Variants in NBAS observed in about 807,000 individuals in gnomAD.
NBAS encodes NBAS subunit of NRZ tethering complex.
Under a neutral mutation model 302.5 loss-of-function variants are expected in NBAS, and 219 were observed. That is an observed-to-expected ratio of 0.72 (90% confidence interval 0.65 to 0.81). The LOEUF (loss-of-function observed/expected upper bound fraction) is 0.81. NBAS is among the 30% of genes least tolerant of loss of function. The pLI, the probability that NBAS is intolerant of heterozygous loss-of-function variation, is 0.00. For missense variants in NBAS, 2,932 were observed against 2,841.6 expected (o/e 1.03, Z -0.72); for synonymous variants, 1,118 against 1,021.6 (o/e 1.09, Z -1.80).
chr2:15,275,745 T>C lies in NBAS; in HGVS notation c.5463A>G (p.Gln1821=). ...LEALEPVLSS[Q]NILSISKLVP... is the part of the protein sequence containing the mutation. The stretch of plus-strand genomic sequence containing the variant: ...CAAGTTTGGAAATAGACAAGATATT[T>C]TGACTTGAAAGAACTGGCTCCAATG... The change falls in exon 44 of 52, where the codon CAA becomes CAG. Residue 1821 remains glutamine (Q), a synonymous_variant. Coordinates refer to ENST00000281513, the MANE Select transcript of NBAS (RefSeq NM_015909.4). 6.2e-7 allele frequency: 1 copy of C among 1,614,196 alleles called. No homozygotes were observed. The highest frequency in any genetic ancestry group is 1.1e-5 in the South Asian group (1 of 91,070).
Position 15,247,010 on chromosome 2 carries a change from G to A in NBAS, c.5725-8324C>T, listed in dbSNP as rs752194434. Among the ~76,000 whole-genome samples, 50 of 152,340 alleles carry A rather than the reference G, an allele frequency of 3.3e-4. 1 individual carries two copies. The highest frequency in any genetic ancestry group is 3.4e-3 in the Middle Eastern group (1 of 294). ...CATGCAAGGTCAGGAAAGGGTTGCT[G>A]AAAGGTGACATCTCCAAGGAGAGTC... On this transcript the variant is annotated intron_variant, in intron 44 of 51. Coordinates refer to ENST00000281513, the MANE Select transcript of NBAS (RefSeq NM_015909.4).
chr2:14,987,491 C>T, the NBAS span, among the ~76,000 whole-genome samples: 1 of 140,344 alleles, frequency 7.1e-6, no homozygotes, highest in Non-Finnish European at 1.6e-5. Flanking sequence ...ATATATATAT[C>T]ATAAAATCAC....
At chr2:15,549,136 C>A (rs1269511963) in intron 6 of NBAS, among the ~76,000 whole-genome samples, 1 of 152,140 alleles carries the variant, frequency 6.6e-6, no homozygotes, top group Non-Finnish European at 1.5e-5. Context: ...TTCATATAAT[C>A]TTTCCACAAC....
chr2:15,383,341 A>C, intron 28 of NBAS, 24 bp from the exon 29 acceptor site: 2 of 1,594,762 alleles, frequency 1.3e-6, no homozygotes, highest in Non-Finnish European at 1.7e-6. Context: ...TAAAAAAGAC[A>C]AGGAAGAGGG....
chr2:15,184,300 G>C (rs1664969489), intron 50 of NBAS, among the ~76,000 whole-genome samples: 1 of 151,906 alleles, frequency 6.6e-6, no homozygotes, highest in African/African-American at 2.4e-5. Context: ...CCCATGGAGG[G>C]GATAGTTTTG....
At chr2:15,417,064 G>C (rs1005885996) in intron 24 of NBAS, among the ~76,000 whole-genome samples, 5 of 152,136 alleles carry the variant, frequency 3.3e-5, no homozygotes, top group Non-Finnish European at 5.9e-5. Flanking sequence ...TAATTTTGGG[G>C]AGAAAGCACA....
chr2:15,314,797 C>T (rs887231668), intron 38 of NBAS, among the ~76,000 whole-genome samples: 2 of 152,060 alleles, frequency 1.3e-5, no homozygotes, highest in South Asian at 2.1e-4. Flanking sequence ...TTAATAGGAG[C>T]GTGGATGTAC....
the NBAS span, among the ~76,000 whole-genome samples, chr2:14,967,135 G>T: frequency 6.6e-6 from 1 of 152,114 alleles, no homozygotes; most frequent in Non-Finnish European, 1.5e-5. Flanking sequence ...ACACCACTGA[G>T]ATATATTTAA....
At position 15,478,758 on chromosome 2, in the gene NBAS, T is replaced by TA. The variant is rs1000650297; in HGVS notation, c.1084-470dup. Among the ~76,000 whole-genome samples the TA allele has an allele frequency of 1.9e-3, 283 of 151,972 alleles. 1 individual carries two copies. Among genetic ancestry groups the TA allele is most frequent in the African/African-American group, 6.6e-3 (275 of 41,484 alleles). ...TTTTTATGACTAAGAATTTACCAGGTAAAAAAAATATAACCATGCAGTCCT... is the reference window on the plus strand; with the variant it reads ...TTTTTATGACTAAGAATTTACCAGGTAAAAAAAAATATAACCATGCAGTCCT... On this transcript the variant is annotated intron_variant, in intron 12 of 51. Transcript: ENST00000281513.
chr2:15,079,964 C>A, the NBAS span, among the ~76,000 whole-genome samples: 1 of 152,074 alleles, frequency 6.6e-6, no homozygotes, highest in African/African-American at 2.4e-5. Context: ...ACAAATAAGC[C>A]GTGCTTTTCT....
chr2:15,534,270 T>C (rs1663373937), intron 9 of NBAS, among the ~76,000 whole-genome samples: 1 of 152,304 alleles, frequency 6.6e-6, no homozygotes, highest in East Asian at 1.9e-4. Context: ...CATACCCATT[T>C]TACAGATGAG....
intron 42 of NBAS, among the ~76,000 whole-genome samples, chr2:15,286,641 C>T (rs1412841559): frequency 6.6e-6 from 1 of 152,228 alleles, no homozygotes; most frequent in Non-Finnish European, 1.5e-5. Context: ...ATATTTAAGT[C>T]CTGCTTAAGT....
intron 9 of NBAS, among the ~76,000 whole-genome samples, chr2:15,531,311 G>C (rs1054599570): frequency 6.6e-6 from 1 of 152,122 alleles, no homozygotes; most frequent in Non-Finnish European, 1.5e-5. Context: ...CAAGACAATA[G>C]CTATATGGCA....
the NBAS span, among the ~76,000 whole-genome samples, chr2:14,824,160 G>A: frequency 6.6e-6 from 1 of 152,118 alleles, no homozygotes. Context: ...GCTAGAAAAC[G>A]TGCCCAAATT....
chr2:15,468,389 C>T lies in NBAS; in HGVS notation c.1870G>A (p.Asp624Asn). The T allele has an allele frequency of 2.5e-6, 4 of 1,614,074 alleles. No homozygotes were observed. The highest frequency in any genetic ancestry group is 3.4e-6 in the Non-Finnish European group (4 of 1,179,956). Reference protein sequence around the residue: ...ALLAIGKGADDGRFTLPGEID... With the variant: ...ALLAIGKGADNGRFTLPGEID... The stretch of plus-strand genomic sequence containing the variant: ...ATTCTTTCTGTAACCAACCTGCCAT[C>T]ATCTGCTCCTTTCCCTATTGCTAAA... The change falls in exon 17 of 52, where the codon GAT (aspartate) becomes AAT (asparagine). Residue 624 changes from aspartate (D) to asparagine (N), a missense_variant. By Grantham distance (23) the Asp-to-Asn change is conservative. Transcript: ENST00000281513.
downstream of NBAS, among the ~76,000 whole-genome samples, chr2:15,163,504 G>A (rs1055769685): frequency 2.6e-5 from 4 of 152,136 alleles, no homozygotes; most frequent in African/African-American, 9.7e-5. Flanking sequence ...TCAGGGACTC[G>A]GGCTTCAATC....
the NBAS span, among the ~76,000 whole-genome samples, chr2:14,978,180 A>T: frequency 2.0e-5 from 3 of 152,218 alleles, no homozygotes; most frequent in South Asian, 2.1e-4. Flanking sequence ...TCTAGTGATC[A>T]TCTCCTCTGT....
chr2:15,400,672 T>C (rs996827092), intron 26 of NBAS, among the ~76,000 whole-genome samples: 1 of 152,154 alleles, frequency 6.6e-6, no homozygotes, highest in Admixed American at 6.5e-5. Flanking sequence ...TCAGCTGATA[T>C]TACTAATACC....
intron 48 of NBAS, among the ~76,000 whole-genome samples, chr2:15,208,539 TATGGATCAA>T (rs1666254813): frequency 6.6e-6 from 1 of 152,308 alleles, no homozygotes; most frequent in South Asian, 2.1e-4. Flanking sequence ...TAATCGGTAC[TATGGATCAA>T]ATGGATCAAA....
Sources: allele counts gnomAD v4.1 joint callset (sites outside exome capture counted in the v4.1 genomes callset), GRCh38; gene constraint gnomAD v4.1.1; transcripts MANE v1.5; gene names NCBI Gene and HGNC (gene_info 2026-07-23, HGNC 2026-07-21).